NAV3: variants seen among roughly 807,000 people sequenced by gnomAD.
NAV3 encodes the protein neuron navigator 3.
NAV3 carries 87 observed loss-of-function variants against 244.7 expected under a neutral mutation model. That is an observed-to-expected ratio of 0.36 (90% CI 0.30 to 0.42). NAV3 has a LOEUF of 0.42. NAV3 is among the 20% of genes least tolerant of loss of function. The pLI, the probability that NAV3 is intolerant of heterozygous loss-of-function variation, is 1.00. For missense variants in NAV3, 2,663 were observed against 2,893.3 expected (o/e 0.92, Z 1.83); for synonymous variants, 1,126 against 1,042.2 (o/e 1.08, Z -1.55).
At chr12:77,677,483 T>C (rs1874257618) in intron 2 of NAV3, among the ~76,000 whole-genome samples, 1 of 152,186 alleles carries the variant, frequency 6.6e-6, no homozygotes, top group African/African-American at 2.4e-5. Flanking sequence ...CCAACACATA[T>C]TCATTTTGTG....
chr12:77,729,399 A>T (rs748191797), intron 2 of NAV3, among the ~76,000 whole-genome samples: 1 of 152,038 alleles, frequency 6.6e-6, no homozygotes, highest in Non-Finnish European at 1.5e-5. Context: ...CTACTTAGAC[A>T]TAGAAGACTG....
intron 2 of NAV3, among the ~76,000 whole-genome samples, chr12:77,662,648 TCC>T (rs1873518784): frequency 1.3e-5 from 2 of 152,110 alleles, no homozygotes; most frequent in Admixed American, 1.3e-4. Context: ...ATTATGCTTT[TCC>T]TAACTATGAT....
intron 2 of NAV3, among the ~76,000 whole-genome samples, chr12:77,715,955 A>G (rs915139431): frequency 5.3e-5 from 8 of 152,088 alleles, no homozygotes; most frequent in Non-Finnish European, 8.8e-5. Context: ...TTTCAGTGCT[A>G]TATAGAGTTG....
At chr12:78,066,784 T>C (rs1885070508) in intron 12 of NAV3, among the ~76,000 whole-genome samples, 1 of 152,160 alleles carries the variant, frequency 6.6e-6, no homozygotes, top group Non-Finnish European at 1.5e-5. Context: ...TGTGAAACTA[T>C]AATCCAGATG....
At chr12:78,067,757 C>T (rs900819352) in intron 12 of NAV3, among the ~76,000 whole-genome samples, 1 of 152,048 alleles carries the variant, frequency 6.6e-6, no homozygotes, top group Non-Finnish European at 1.5e-5. Context: ...GATTGTAGCT[C>T]TAAATGCTAT....
rs1959235997 is a variant in NAV3, at chr12:78,198,555, A to T, written c.6447-50A>T. 4.7e-6 allele frequency: 5 copies of T among 1,067,064 alleles called. No homozygotes were observed. The South Asian group carries it at 7.1e-5, about 15-fold the overall frequency. The allele number at this position is 1,067,064 out of a possible 1,614,324, so 66.1% of individuals were successfully genotyped here. On this transcript the variant is annotated intron_variant, in intron 35 of 39. Transcript: ENST00000397909. ...TTTTCCAAGATAATTTTAATGAATT[A>T]ATCACTTTTACCTCCAGTAAATTAA...
intron 2 of NAV3, among the ~76,000 whole-genome samples, chr12:77,788,276 A>G (rs1032870179): frequency 6.6e-6 from 1 of 152,216 alleles, no homozygotes; most frequent in Admixed American, 6.5e-5. Context: ...TGAGATGTTT[A>G]TAGTAAAATT....
chr12:77,574,698 A>G (rs1241007303), intron 2 of NAV3, among the ~76,000 whole-genome samples: 2 of 152,150 alleles, frequency 1.3e-5, no homozygotes, highest in Non-Finnish European at 2.9e-5. Flanking sequence ...ATAAGCACCT[A>G]TTCTAAGCAC....
intron 2 of NAV3, among the ~76,000 whole-genome samples, chr12:77,634,466 C>T (rs1264914713): frequency 6.6e-6 from 1 of 152,112 alleles, no homozygotes; most frequent in East Asian, 1.9e-4. Context: ...AACATTACTA[C>T]AAGGGACCAA....
intron 12 of NAV3, among the ~76,000 whole-genome samples, chr12:78,108,128 T>A (rs548322852): frequency 6.6e-6 from 1 of 152,156 alleles, no homozygotes; most frequent in African/African-American, 2.4e-5. Flanking sequence ...TCCTTGCAAA[T>A]GGAAAGCAAT....
chr12:78,140,584 A>C (rs1053088327), intron 20 of NAV3, among the ~76,000 whole-genome samples: 3 of 152,256 alleles, frequency 2.0e-5, no homozygotes, highest in East Asian at 1.9e-4. Flanking sequence ...GTGGATGTAG[A>C]ATTCGATTTC....
intron 2 of NAV3, among the ~76,000 whole-genome samples, chr12:77,722,453 C>G (rs574464884): frequency 2.1e-4 from 32 of 151,946 alleles, no homozygotes; most frequent in Non-Finnish European, 4.0e-4. Flanking sequence ...ATACTTAAGC[C>G]TTTGCTTTTA....
chr12:77,624,902 T>TA (rs1220048531), intron 2 of NAV3, among the ~76,000 whole-genome samples: 5 of 152,088 alleles, frequency 3.3e-5, no homozygotes, highest in Non-Finnish European at 4.4e-5. Context: ...AGGTTTATAG[T>TA]AAAAAAGTCA....
At chr12:77,954,145 A>T (rs1259996852) in intron 3 of NAV3, among the ~76,000 whole-genome samples, 1 of 152,216 alleles carries the variant, frequency 6.6e-6, no homozygotes, top group Non-Finnish European at 1.5e-5. Flanking sequence ...TTGAGAAGTA[A>T]TATACAAGTA....
rs199724321 is a variant in NAV3, at chr12:78,194,861, TTAAAA to T, written c.6292-2382_6292-2378del. ...TAAGCATCAAGGTATTACCCAATCTTTAAAATAAGGGAATAATAGCAAATCATACT... is the reference window on the plus strand; with the variant it reads ...TAAGCATCAAGGTATTACCCAATCTTTAAGGGAATAATAGCAAATCATACT... On this transcript the variant is annotated intron_variant, in intron 34 of 39. Transcript: ENST00000397909. 4.5e-3 allele frequency among the ~76,000 whole-genome samples: 678 copies of T among 152,200 alleles called. 5 individuals are homozygous for T. The highest frequency in any genetic ancestry group is 0.016 in the African/African-American group (648 of 41,558).
intron 1 of NAV3, among the ~76,000 whole-genome samples, chr12:77,891,112 T>C (rs1391959920): frequency 6.6e-6 from 1 of 151,948 alleles, no homozygotes; most frequent in African/African-American, 2.4e-5. Flanking sequence ...TATTCCTGTC[T>C]TAAATGTTGA....
At chr12:77,832,953 A>C (rs568450142) in intron 1 of NAV3, among the ~76,000 whole-genome samples, 4 of 152,316 alleles carry the variant, frequency 2.6e-5, no homozygotes, top group African/African-American at 9.6e-5. Flanking sequence ...AATTTAAGGA[A>C]AAAACCTTTA....
chr12:77,741,135 G>GAAAAAAAAAAA, intron 2 of NAV3, among the ~76,000 whole-genome samples: 1 of 60,752 alleles, frequency 1.6e-5, no homozygotes. Context: ...AATAGTCAAA[G>GAAAAAAAAAAA]AAAAAAAAAA....
intron 1 of NAV3, among the ~76,000 whole-genome samples, chr12:77,868,643 C>T (rs1469171079): frequency 6.6e-6 from 1 of 151,324 alleles, no homozygotes; most frequent in African/African-American, 2.4e-5. Context: ...GTAGTCCCAG[C>T]TCCTCAGGTG....
Sources: allele counts gnomAD v4.1 joint callset (sites outside exome capture counted in the v4.1 genomes callset), GRCh38; gene constraint gnomAD v4.1.1; transcripts MANE v1.5; gene names NCBI Gene and HGNC (gene_info 2026-07-23, HGNC 2026-07-21).